DST: variants seen among roughly 807,000 people sequenced by gnomAD.
The protein encoded by DST is bullous pemphigoid antigen.
In DST, 253 loss-of-function variants were observed where a neutral mutation model predicts 875.2. That is an observed-to-expected ratio of 0.29 (90% CI 0.26 to 0.32). DST has a LOEUF of 0.32. Ranked by LOEUF, DST falls within the 10% of genes least tolerant of loss-of-function variation. The pLI is 1.00. For synonymous variants in DST, 3,124 were observed against 3,197.1 expected (o/e 0.98, Z 0.77); for missense variants, 8,287 against 9,111.6 (o/e 0.91, Z 3.68).
intron 95 of DST, 23 bp from the exon 96 acceptor site, chr6:56,470,305 A>G: frequency 6.4e-7 from 1 of 1,571,040 alleles, no homozygotes; most frequent in Non-Finnish European, 8.7e-7. Flanking sequence ...AAACAATGGT[A>G]AGTAGTGACT....
intron 69 of DST, among the ~76,000 whole-genome samples, chr6:56,524,868 T>G (rs1191494709): frequency 6.6e-6 from 1 of 152,158 alleles, no homozygotes; most frequent in Non-Finnish European, 1.5e-5. Flanking sequence ...TTCATGAATT[T>G]TTCTATATTC....
At chr6:56,636,782 C>G in intron 22 of DST, 130 bp from the exon 23 acceptor site, 1 of 829,720 alleles carries the variant, frequency 1.2e-6, no homozygotes, top group Non-Finnish European at 2.0e-6. Context: ...CAGAATAAGA[C>G]TTGGAAATTA....
chr6:56,736,692 T>C (rs950114135), intron 4 of DST, among the ~76,000 whole-genome samples: 2 of 152,254 alleles, frequency 1.3e-5, no homozygotes, highest in Non-Finnish European at 2.9e-5. Context: ...TTGAAAATGT[T>C]TGTCCTATTT....
intron 2 of DST, among the ~76,000 whole-genome samples, chr6:56,944,948 C>T (rs1592801931): frequency 6.6e-6 from 1 of 152,160 alleles, no homozygotes. Flanking sequence ...CCTTCCCTTC[C>T]TTCCTTCCTT....
rs370410535 is a variant in DST at position 56,609,357 on chromosome 6, T to A, written c.5284-13A>T. On this transcript the variant is annotated splice_polypyrimidine_tract_variant and intron_variant, in intron 39 of 103. Coordinates refer to ENST00000680361, the MANE Select transcript of DST (RefSeq NM_001374736.1). ...TCACTTTATCCAGCTGAAAGGAAAA[T>A]GCAAAAATCTCAGGTCACTCTGTTA... 5.1e-6 allele frequency: 8 copies of A among 1,569,742 alleles called. No homozygotes were observed. The Admixed American group carries it at 9.4e-5, about 18-fold the overall frequency.
chr6:56,790,021 G>A (rs1438377003), intron 4 of DST, among the ~76,000 whole-genome samples: 1 of 152,124 alleles, frequency 6.6e-6, no homozygotes, highest in Non-Finnish European at 1.5e-5. Flanking sequence ...TATTTCAGAT[G>A]AGTAAAGTGA....
chr6:56,526,730 A>G (rs1180792428), intron 68 of DST, among the ~76,000 whole-genome samples, 163 bp from the exon 69 acceptor site: 1 of 151,876 alleles, frequency 6.6e-6, no homozygotes, highest in Non-Finnish European at 1.5e-5. Context: ...TTTTATCTAA[A>G]GCTATTTTGC....
chr6:56,492,600 A>G (rs1402947881), intron 84 of DST, among the ~76,000 whole-genome samples, 167 bp from the exon 85 acceptor site: 2 of 152,150 alleles, frequency 1.3e-5, no homozygotes. Flanking sequence ...AGCCGGGTGC[A>G]GTGGCTCACG....
At chr6:56,758,713 C>A (rs2099610112) in intron 4 of DST, among the ~76,000 whole-genome samples, 1 of 152,130 alleles carries the variant, frequency 6.6e-6, no homozygotes, top group Non-Finnish European at 1.5e-5. Context: ...CGAGAACAGC[C>A]ACAGGTGTCA....
At chr6:56,707,794 G>A (rs1003145674) in intron 5 of DST, among the ~76,000 whole-genome samples, 7 of 152,118 alleles carry the variant, frequency 4.6e-5, no homozygotes, top group African/African-American at 1.4e-4. Flanking sequence ...TGCTACTATC[G>A]TATTTATGTG....
At chr6:56,882,474 A>G (rs569514671) in intron 3 of DST, among the ~76,000 whole-genome samples, 1 of 152,366 alleles carries the variant, frequency 6.6e-6, no homozygotes, top group African/African-American at 2.4e-5. Flanking sequence ...CTAACTAATG[A>G]TAGTTTCAAA....
intron 69 of DST, among the ~76,000 whole-genome samples, chr6:56,526,147 T>A (rs2096793053): frequency 1.3e-5 from 2 of 152,206 alleles, no homozygotes; most frequent in Non-Finnish European, 2.9e-5. Context: ...TGTGAAACAA[T>A]GAGGCAGATG....
At chr6:56,470,030 A>G in intron 96 of DST, 73 bp from the exon 97 acceptor site, 1 of 1,602,884 alleles carries the variant, frequency 6.2e-7, no homozygotes, top group Non-Finnish European at 8.5e-7. Context: ...ACTTTGACAC[A>G]ACAATTAGAG....
rs545650751 is a variant in DST at position 56,525,304 on chromosome 6, A to C, written c.18129+1057T>G. 7.9e-5 allele frequency among the ~76,000 whole-genome samples: 12 copies of C among 152,312 alleles called. No individual in the cohort carries two copies. In the South Asian group the frequency reaches 2.5e-3, roughly 32 times the overall value. ...ACACCCTCATTTTCCTATAAAAATG[A>C]GGCATACAAACTCCTCTGTTTAAAC... is the stretch of plus-strand genomic sequence containing the variant. On this transcript the variant is annotated intron_variant, in intron 69 of 103. Coordinates refer to ENST00000680361, the MANE Select transcript of DST (RefSeq NM_001374736.1).
rs577487991 is a variant in DST, at chr6:56,551,166, T to C, written c.16608+1018A>G. 5.9e-5 allele frequency among the ~76,000 whole-genome samples: 9 copies of C among 152,268 alleles called. No homozygotes were observed. In the East Asian group the frequency reaches 1.7e-3, roughly 29 times the overall value. ...TTTCAAGATTCAGTCACCTAAATAA[T>C]GTTATTAAAGACAAGCAAATGAAAG... On this transcript the variant is annotated intron_variant, in intron 61 of 103. Coordinates refer to ENST00000680361, the MANE Select transcript of DST (RefSeq NM_001374736.1).
chr6:56,802,288 C>T (rs1478508546), intron 4 of DST, among the ~76,000 whole-genome samples: 1 of 151,980 alleles, frequency 6.6e-6, no homozygotes, highest in African/African-American at 2.4e-5. Context: ...CAATGAGCAA[C>T]AATTTTCTTA....
intron 2 of DST, among the ~76,000 whole-genome samples, chr6:56,948,854 C>T (rs1820960578): frequency 6.6e-6 from 1 of 152,198 alleles, no homozygotes; most frequent in Non-Finnish European, 1.5e-5. Flanking sequence ...ATCATGTTTT[C>T]ATGGTGCCTC....
intron 5 of DST, among the ~76,000 whole-genome samples, chr6:56,723,420 C>T (rs1278387417): frequency 3.3e-5 from 5 of 151,882 alleles, no homozygotes; most frequent in Admixed American, 6.6e-5. Flanking sequence ...CAAAATTAGC[C>T]GGGCGTGTTG....
chr6:56,954,652 T>C lies in DST; in HGVS notation c.-65A>G, dbSNP rs776132846. On this transcript the variant is annotated 5_prime_UTR_variant, in exon 1 of 104. Transcript: ENST00000680361. ...AGGGCGGCGGCACAGGCACCCGCGC[T>C]GGGCGCACGCCGGGACGGCGGGCAC... 5.3e-6 allele frequency: 6 copies of C among 1,133,354 alleles called. No homozygotes were observed. The African/African-American group carries it at 1.0e-4, about 19-fold the overall frequency. 70.2% of individuals were successfully genotyped at this position (1,133,354 alleles called of 1,614,324 possible). A position where few individuals can be genotyped will look rare whatever the true frequency, so the allele number is the denominator to read the frequency against.
Sources: gnomAD v4.1 joint callset for allele counts (sites outside exome capture counted in the v4.1 genomes callset) on GRCh38, gnomAD v4.1.1 for gene constraint, MANE v1.5 for transcripts, NCBI Gene and HGNC (gene_info 2026-07-23, HGNC 2026-07-21) for gene names.